GPC6: variants seen among roughly 807,000 people sequenced by gnomAD.
GPC6 encodes glypican-6.
Under a neutral mutation model 55.2 loss-of-function variants are expected in GPC6, and 14 were observed. The ratio of observed to expected loss-of-function variants is 0.25; its 90% CI spans 0.17 to 0.40. GPC6 has a LOEUF of 0.40. GPC6 is among the 10% of genes least tolerant of loss of function. The probability of loss-of-function intolerance (pLI) is 1.00; values close to 1 mark genes in which losing one functional copy is unlikely to be tolerated. For missense variants in GPC6, 641 were observed against 708.5 expected, an observed-to-expected ratio of 0.90 and a Z score of 1.08; for synonymous variants, 278 against 259.6, an observed-to-expected ratio of 1.07 and a Z score of -0.68.
At chr13:93,985,413 G>C (rs1341247595) in intron 3 of GPC6, among the ~76,000 whole-genome samples, 3 of 151,752 alleles carry the variant, frequency 2.0e-5, no homozygotes, top group Non-Finnish European at 4.4e-5. Context: ...CTCCAGCCCG[G>C]GCAACAGAGC....
At chr13:93,509,988 G>A (rs894462548) in intron 1 of GPC6, among the ~76,000 whole-genome samples, 6 of 152,068 alleles carry the variant, frequency 3.9e-5, no homozygotes, top group African/African-American at 1.4e-4. Context: ...TTCATGAGAA[G>A]GTAATTTATA....
At chr13:93,276,686 A>C (rs954563055) in intron 1 of GPC6, among the ~76,000 whole-genome samples, 1 of 152,030 alleles carries the variant, frequency 6.6e-6, no homozygotes, top group African/African-American at 2.4e-5. Context: ...GAGGTGGTGC[A>C]TGGAGCCACC....
intron 4 of GPC6, among the ~76,000 whole-genome samples, chr13:94,086,338 T>C (rs748377030): frequency 1.3e-5 from 2 of 152,132 alleles, no homozygotes; most frequent in Non-Finnish European, 2.9e-5. Context: ...GGAAACAGGC[T>C]GAGAGAGCCT....
chr13:93,439,140 A>G (rs1475953204), intron 1 of GPC6, among the ~76,000 whole-genome samples: 2 of 152,202 alleles, frequency 1.3e-5, no homozygotes, highest in Non-Finnish European at 2.9e-5. Context: ...CATATCTTAT[A>G]TGCATTGAGA....
intron 4 of GPC6, among the ~76,000 whole-genome samples, chr13:94,101,044 G>A (rs1265851793): frequency 6.6e-6 from 1 of 152,246 alleles, no homozygotes; most frequent in African/African-American, 2.4e-5. Context: ...AGCCAGGACA[G>A]AACCTACAGT....
intron 1 of GPC6, among the ~76,000 whole-genome samples, chr13:93,405,583 A>G (rs973998881): frequency 1.3e-5 from 2 of 152,110 alleles, no homozygotes; most frequent in Non-Finnish European, 2.9e-5. Context: ...TGGAACTGAG[A>G]GTGCCAATTT....
intron 7 of GPC6, among the ~76,000 whole-genome samples, chr13:94,394,326 C>G (rs1307376221): frequency 6.6e-6 from 1 of 152,180 alleles, no homozygotes; most frequent in Non-Finnish European, 1.5e-5. Context: ...TCCAGGTTGT[C>G]CTCACTTCTG....
chr13:93,432,881 C>G (rs182453594), intron 1 of GPC6, among the ~76,000 whole-genome samples: 345 of 149,608 alleles, frequency 2.3e-3, no homozygotes, highest in African/African-American at 8.1e-3. Flanking sequence ...TCTTTTGTGT[C>G]TGTGTGTGTG....
intron 3 of GPC6, among the ~76,000 whole-genome samples, chr13:93,842,650 A>T (rs1317692463): frequency 6.6e-6 from 1 of 152,144 alleles, no homozygotes; most frequent in Non-Finnish European, 1.5e-5. Flanking sequence ...GAAATGAAAT[A>T]ATATTATGAA....
intron 4 of GPC6, among the ~76,000 whole-genome samples, chr13:94,139,479 C>G (rs1352405400): frequency 6.6e-6 from 1 of 152,160 alleles, no homozygotes; most frequent in African/African-American, 2.4e-5. Flanking sequence ...CCTTGGATCT[C>G]TCATTTCTTC....
intron 1 of GPC6, among the ~76,000 whole-genome samples, chr13:93,344,889 G>A (rs1289304183): frequency 1.3e-5 from 2 of 152,132 alleles, no homozygotes; most frequent in Non-Finnish European, 1.5e-5. Flanking sequence ...ATTTAGGAAA[G>A]GTAATGAAGA....
intron 2 of GPC6, among the ~76,000 whole-genome samples, chr13:93,650,617 A>G (rs1490491279): frequency 6.6e-6 from 1 of 152,200 alleles, no homozygotes; most frequent in Non-Finnish European, 1.5e-5. Context: ...CCTGACCATA[A>G]TAGGTAGTAG....
intron 2 of GPC6, among the ~76,000 whole-genome samples, chr13:93,756,714 C>G (rs1473433495): frequency 6.6e-6 from 1 of 152,042 alleles, no homozygotes; most frequent in Non-Finnish European, 1.5e-5. Flanking sequence ...AGATGAAGCC[C>G]TAAGAAATGA....
intron 2 of GPC6, among the ~76,000 whole-genome samples, chr13:93,744,521 C>T (rs1884318782): frequency 8.2e-6 from 1 of 122,576 alleles, no homozygotes; most frequent in Non-Finnish European, 1.7e-5. Context: ...AACCTGCTTT[C>T]CCTAGTCTTT....
chr13:94,334,385 G>A (rs1256813688), intron 6 of GPC6, among the ~76,000 whole-genome samples: 1 of 152,208 alleles, frequency 6.6e-6, no homozygotes, highest in Non-Finnish European at 1.5e-5. Context: ...GAAAATACCA[G>A]TGCCCCCTGA....
intron 2 of GPC6, among the ~76,000 whole-genome samples, chr13:93,752,445 AAAAAAAAAAG>A (rs1271765760): frequency 2.6e-5 from 4 of 151,646 alleles, no homozygotes; most frequent in Non-Finnish European, 5.9e-5. Flanking sequence ...TTTACATTAA[AAAAAAAAAAG>A]AAAAAAAAAG....
At chr13:93,960,540 A>G (rs1036043911) in intron 3 of GPC6, among the ~76,000 whole-genome samples, 5 of 152,208 alleles carry the variant, frequency 3.3e-5, no homozygotes, top group Admixed American at 1.3e-4. Context: ...GAGTAGGGGC[A>G]GGAATGAATG....
chr13:93,362,648 GGGAGAGAGTTT>G (rs1480274885), intron 1 of GPC6, among the ~76,000 whole-genome samples: 4 of 151,974 alleles, frequency 2.6e-5, no homozygotes, highest in Non-Finnish European at 5.9e-5. Flanking sequence ...TATTCACAGA[GGGAGAGAGTTT>G]GGAAGTGACT....
In GPC6 at chr13:93,939,049, C is replaced by T. The variant is rs185284535; in HGVS notation, c.712-88680C>T. 4.1e-4 allele frequency among the ~76,000 whole-genome samples: 62 copies of T among 152,094 alleles called. No individual in the cohort carries two copies. In the East Asian group the frequency reaches 7.7e-3, roughly 19 times the overall value. On this transcript the variant is annotated intron_variant, in intron 3 of 8. Coordinates refer to ENST00000377047, the MANE Select transcript of GPC6 (RefSeq NM_005708.5). ...CCCAGGAGGTGGAGGCTGCAGTGAG[C>T]CCAGATCGTGCCACTGCACTCTGGC...
Sources: gnomAD v4.1 joint callset for allele counts (sites outside exome capture counted in the v4.1 genomes callset) on GRCh38, gnomAD v4.1.1 for gene constraint, MANE v1.5 for transcripts, NCBI Gene and HGNC (gene_info 2026-07-23, HGNC 2026-07-21) for gene names.